Variants in WDR59 observed in about 807,000 individuals in gnomAD.
WDR59 encodes WD repeat domain 59.
Under a neutral mutation model 131.2 loss-of-function variants are expected in WDR59, and 100 were observed. That is an observed-to-expected ratio of 0.76 (90% CI 0.65 to 0.90). The LOEUF (loss-of-function observed/expected upper bound fraction) is 0.90. WDR59 is among the 40% of genes least tolerant of loss of function. The pLI is 0.00. For synonymous variants in WDR59, 601 were observed against 466.2 expected (o/e 1.29, Z -3.72); for missense variants, 1,203 against 1,262.2 (o/e 0.95, Z 0.71).
chr16:74,943,958 A>C (rs943466168), intron 6 of WDR59, among the ~76,000 whole-genome samples: 4 of 152,200 alleles, frequency 2.6e-5, no homozygotes, highest in African/African-American at 9.6e-5. Context: ...AGACCAGTGA[A>C]GATGAAGCAA....
intron 1 of WDR59, among the ~76,000 whole-genome samples, chr16:74,979,666 G>A (rs1436440233): frequency 4.0e-5 from 6 of 150,808 alleles, no homozygotes; most frequent in African/African-American, 4.9e-5. Flanking sequence ...TCAGCCACCC[G>A]AGTAGCTGGG....
At chr16:74,960,279 C>T (rs6564187) in intron 2 of WDR59, among the ~76,000 whole-genome samples, 49,398 of 151,218 alleles carry the variant, frequency 0.33, 8,696 homozygotes, top group East Asian at 0.72. Context: ...TGCAGTGAGC[C>T]GACATCGCGC....
At chr16:74,945,485 A>T (rs73607914) in intron 6 of WDR59, among the ~76,000 whole-genome samples, 12,340 of 151,884 alleles carry the variant, frequency 0.081, 834 homozygotes, top group African/African-American at 0.18. Flanking sequence ...TCAAAAATAA[A>T]AAAAAAAAAG....
intron 17 of WDR59, among the ~76,000 whole-genome samples, chr16:74,904,590 A>G (rs564804788): frequency 6.6e-6 from 1 of 152,202 alleles, no homozygotes; most frequent in South Asian, 2.1e-4. Context: ...TAAGACATCA[A>G]TTTTCTCTAA....
intron 8 of WDR59, among the ~76,000 whole-genome samples, chr16:74,933,660 C>A (rs1397336263): frequency 6.6e-6 from 1 of 152,180 alleles, no homozygotes; most frequent in African/African-American, 2.4e-5. Flanking sequence ...GATCTCAGCT[C>A]ACTGCAACCT....
At chr16:74,910,264 G>A (rs12918550) in intron 14 of WDR59, among the ~76,000 whole-genome samples, 73,974 of 151,998 alleles carry the variant, frequency 0.49, 21,249 homozygotes, top group Non-Finnish European at 0.63. Flanking sequence ...CACTGCGCCC[G>A]GCCCTGATTG....
chr16:74,928,814 C>T (rs574172835), intron 8 of WDR59, among the ~76,000 whole-genome samples: 2 of 152,170 alleles, frequency 1.3e-5, no homozygotes, highest in East Asian at 1.9e-4. Context: ...GAAGCTGAGG[C>T]ACAAGAATCG....
intron 23 of WDR59, 45 bp downstream of exon 23, chr16:74,887,638 G>T (rs1432322705): frequency 5.7e-6 from 9 of 1,578,136 alleles, no homozygotes; most frequent in Non-Finnish European, 7.8e-6. Context: ...CACAGCTCTG[G>T]GAGAACTAAA....
chr16:74,978,665 C>T (rs2034283359), intron 1 of WDR59, among the ~76,000 whole-genome samples: 1 of 152,136 alleles, frequency 6.6e-6, no homozygotes, highest in South Asian at 2.1e-4. Flanking sequence ...AAACGTTCTA[C>T]ATCATGATTA....
intron 2 of WDR59, chr16:74,962,835 C>A (rs1455804126): frequency 6.6e-6 from 1 of 151,342 alleles, no homozygotes; most frequent in Admixed American, 6.6e-5. Flanking sequence ...ATTGCCCTGG[C>A]CAGAACTTTC....
chr16:74,913,265 T>C (rs1966196693), intron 13 of WDR59, among the ~76,000 whole-genome samples: 1 of 145,972 alleles, frequency 6.9e-6, no homozygotes. Flanking sequence ...ACACAAAGTA[T>C]TCTTTTTTTT....
At chr16:74,970,524 A>AAAAAAAAAAAAAAAAC (rs2033941393) in intron 1 of WDR59, among the ~76,000 whole-genome samples, 1 of 146,736 alleles carries the variant, frequency 6.8e-6, no homozygotes, top group Non-Finnish European at 1.5e-5. Flanking sequence ...AAAAAAAAAA[A>AAAAAAAAAAAAAAAAC]AAAGCAGCTC....
rs1303753411 is a variant in WDR59, at chr16:74,893,659, A to G, written c.2000+20T>C. ...CCTGGCTAAATGATGAGTGCAGCAG[A>G]CTTGAAATTTTGTACTTACATGTAC... is the stretch of plus-strand genomic sequence containing the variant. On this transcript the variant is annotated intron_variant, in intron 19 of 25. Coordinates refer to ENST00000262144, the MANE Select transcript of WDR59 (RefSeq NM_030581.4). 6.2e-7 allele frequency: 1 copy of G among 1,612,490 alleles called. No homozygotes were observed. Among genetic ancestry groups the G allele is most frequent in the African/African-American group, 1.3e-5 (1 of 74,992 alleles).
chr16:74,912,699 T>C (rs749683139), intron 13 of WDR59, among the ~76,000 whole-genome samples: 17 of 152,180 alleles, frequency 1.1e-4, no homozygotes, highest in Non-Finnish European at 2.2e-4. Context: ...CCTTCAGAGC[T>C]GAGAGCCTTG....
intron 18 of WDR59, among the ~76,000 whole-genome samples, chr16:74,902,061 C>A (rs1044359381): frequency 3.3e-5 from 5 of 152,080 alleles, no homozygotes; most frequent in African/African-American, 1.2e-4. Flanking sequence ...AGCCAATAAT[C>A]CAAGGTTTCT....
chr16:74,954,952 G>A (rs1176901872), intron 3 of WDR59, among the ~76,000 whole-genome samples: 1 of 152,188 alleles, frequency 6.6e-6, no homozygotes, highest in African/African-American at 2.4e-5. Flanking sequence ...GTTGCCAGGG[G>A]TTGCAACGGA....
chr16:74,922,539 G>A (rs887506047), intron 9 of WDR59, among the ~76,000 whole-genome samples: 6 of 152,092 alleles, frequency 3.9e-5, no homozygotes, highest in South Asian at 4.1e-4. Context: ...CCAGAAAAAC[G>A]CCATCCACAT....
intron 14 of WDR59, among the ~76,000 whole-genome samples, chr16:74,911,206 G>A (rs914410319): frequency 2.0e-5 from 3 of 152,094 alleles, no homozygotes; most frequent in Non-Finnish European, 4.4e-5. Context: ...CAACCTAATC[G>A]TATCATTTTA....
Position 74,874,163 on chromosome 16 carries a change from C to G in WDR59, c.*46G>C, listed in dbSNP as rs1964088577. 1 of 1,530,512 alleles carries G rather than the reference C, an allele frequency of 6.5e-7. No homozygotes were observed. The highest frequency in any genetic ancestry group is 8.9e-7 in the Non-Finnish European group (1 of 1,121,240). 94.8% of individuals were successfully genotyped at this position (1,530,512 alleles called of 1,614,324 possible). On this transcript the variant is annotated 3_prime_UTR_variant, in exon 26 of 26. Transcript: ENST00000262144. ...CCTGACAGACAGCTTGTCACCGGCA[C>G]TTATGGGTCCTCTGGGATTTCAGAC...
Sources: allele counts gnomAD v4.1 joint callset (sites outside exome capture counted in the v4.1 genomes callset), GRCh38; gene constraint gnomAD v4.1.1; transcripts MANE v1.5; gene names NCBI Gene and HGNC (gene_info 2026-07-23, HGNC 2026-07-21).